Variants in CPSF3 observed in about 807,000 individuals in gnomAD.
CPSF3 encodes cleavage and polyadenylation specific factor 3.
A neutral mutation model predicts 84.1 loss-of-function variants in CPSF3; 57 were observed. The observed-to-expected ratio is 0.68, with a 90% CI of 0.55 to 0.85. CPSF3 has a LOEUF of 0.85. Ranked by LOEUF, CPSF3 falls within the 40% of genes least tolerant of loss-of-function variation. CPSF3 has a pLI of 0.00. For missense variants in CPSF3, 522 were observed against 838.8 expected (o/e 0.62, Z 4.66); for synonymous variants, 275 against 278.1 (o/e 0.99, Z 0.11).
chr2:9,424,557 G>A (rs893526973), intron 1 of CPSF3: 1 of 152,228 alleles, frequency 6.6e-6, no homozygotes, highest in Admixed American at 6.5e-5. Flanking sequence ...GATACTAGTT[G>A]GCACAACATG....
chr2:9,430,770 T>C lies in CPSF3; in HGVS notation c.231T>C (p.Cys77=). 1.2e-6 allele frequency: 2 copies of C among 1,613,422 alleles called. No individual in the cohort carries two copies. Among genetic ancestry groups the C allele is most frequent in the South Asian group, 1.1e-5 (1 of 90,978 alleles). Residue 77 remains cysteine, a synonymous_variant, in exon 4 of 18, where the codon TGT becomes TGC. Coordinates refer to ENST00000238112, the MANE Select transcript of CPSF3 (RefSeq NM_016207.4). ...LLISHFHLDH[C]GALPWFLQKT... Reference sequence around the variant, plus strand: ...TTTTAAGTTTCCATTTGGATCACTGTGGAGCTCTGCCCTGGTTTCTACAGA... The same window carrying C: ...TTTTAAGTTTCCATTTGGATCACTGCGGAGCTCTGCCCTGGTTTCTACAGA...
At position 9,473,006 on chromosome 2, in the gene CPSF3, C is replaced by G; in HGVS notation, c.2044C>G (p.Pro682Ala). 6.2e-7 allele frequency: 1 copy of G among 1,612,418 alleles called. No individual in the cohort carries two copies. The highest frequency in any genetic ancestry group is 8.5e-7 in the Non-Finnish European group (1 of 1,178,786). Residue 682 changes from proline (P) to alanine (A), a missense_variant, in exon 18 of 18, where the codon CCA (proline) becomes GCA (alanine). By Grantham distance (27) the Pro-to-Ala change is conservative. Around this residue, in one of 2 missense-constraint regions of CPSF3, gnomAD observed 193 missense variants for 231.6 expected, o/e 0.83. Transcript: ENST00000238112. ...ACAGAGACTGTACGAGGCCCTGACG[C>G]CAGTTCACTGAGACTGTGCCTGTAT... ...AAQRLYEALTPVH is the reference protein window; with the variant it reads ...AAQRLYEALTAVH
Position 9,452,501 on chromosome 2 carries a change from AC to A in CPSF3, c.1396-410del, listed in dbSNP as rs1681368293. 2.6e-5 allele frequency among the ~76,000 whole-genome samples: 4 copies of A among 152,274 alleles called. No homozygotes were observed. In the South Asian group the frequency reaches 8.3e-4, roughly 32 times the overall value. Reference sequence around the variant, plus strand: ...TGCTGCTGCTTTTAGTGTTAGGTGTACCACAGCCTCCCAGGTTTGTATCAGT... The same window carrying A: ...TGCTGCTGCTTTTAGTGTTAGGTGTACACAGCCTCCCAGGTTTGTATCAGT... On this transcript the variant is annotated intron_variant, in intron 11 of 17. Transcript: ENST00000238112.
In CPSF3 at chr2:9,449,333, T is replaced by C. The variant is rs949842714; in HGVS notation, c.1395+983T>C. Among the ~76,000 whole-genome samples the C allele has an allele frequency of 2.0e-5, 3 of 152,118 alleles. No homozygotes were observed. In the East Asian group the frequency reaches 5.8e-4, roughly 29 times the overall value. On this transcript the variant is annotated intron_variant, in intron 11 of 17. Transcript: ENST00000238112. ...TGAACCCAGGAGGTGGAGGTTGTAG[T>C]GAGCTGAGATCGAACCTGAGAGATG...
At chr2:9,428,019 C>T (rs2148933244) in intron 1 of CPSF3, among the ~76,000 whole-genome samples, 2 of 144,958 alleles carry the variant, frequency 1.4e-5, no homozygotes, top group Middle Eastern at 3.9e-3. Context: ...TTTTTTGAGG[C>T]AGAGTCTCGC....
chr2:9,460,515 T>C lies in CPSF3; in HGVS notation c.1786+897T>C, dbSNP rs150361575. Among the ~76,000 whole-genome samples the C allele has an allele frequency of 2.6e-5, 4 of 152,290 alleles. No individual in the cohort carries two copies. In the East Asian group the frequency reaches 7.7e-4, roughly 29 times the overall value. On this transcript the variant is annotated intron_variant, in intron 15 of 17. Coordinates refer to ENST00000238112, the MANE Select transcript of CPSF3 (RefSeq NM_016207.4). ...ATTGAGCCAGTAGATTAGGAAGATATGCTACTATCTTCATGTTTAATAAAA... is the reference window on the plus strand; with the variant it reads ...ATTGAGCCAGTAGATTAGGAAGATACGCTACTATCTTCATGTTTAATAAAA...
chr2:9,467,950 C>T (rs912379930), intron 16 of CPSF3, 174 bp downstream of exon 16: 4 of 560,930 alleles, frequency 7.1e-6, no homozygotes, highest in African/African-American at 5.7e-5. Context: ...TCCCTGCCAG[C>T]TCTGCACTCA....
intron 4 of CPSF3, among the ~76,000 whole-genome samples, chr2:9,432,301 G>C (rs997775612): frequency 1.3e-5 from 2 of 151,536 alleles, no homozygotes; most frequent in Admixed American, 1.3e-4. Context: ...TTTCCTGTGT[G>C]GTTTGTTTAA....
At chr2:9,443,378 G>C in intron 9 of CPSF3, 137 bp from the exon 10 acceptor site, 2 of 739,740 alleles carry the variant, frequency 2.7e-6, no homozygotes, top group Non-Finnish European at 4.3e-6. Flanking sequence ...TATTTACTGA[G>C]TCAGTTATAT....
chr2:9,462,919 T>G (rs1366871051), intron 15 of CPSF3, among the ~76,000 whole-genome samples: 1 of 152,220 alleles, frequency 6.6e-6, no homozygotes, highest in Non-Finnish European at 1.5e-5. Flanking sequence ...TTCTTAGTTC[T>G]TCCCCATTTT....
intron 15 of CPSF3, among the ~76,000 whole-genome samples, chr2:9,459,974 T>C (rs1295825253): frequency 1.3e-5 from 2 of 152,082 alleles, no homozygotes; most frequent in African/African-American, 4.8e-5. Context: ...TCTTTCATTT[T>C]TCTTATGTTT....
intron 4 of CPSF3, 26 bp from the exon 5 acceptor site, chr2:9,432,485 T>C (rs774167805): frequency 7.0e-7 from 1 of 1,420,888 alleles, no homozygotes; most frequent in Non-Finnish European, 9.4e-7. Flanking sequence ...TCTTAATTGT[T>C]TTTGCTGGCA....
In CPSF3 at chr2:9,457,073, A is replaced by T. The variant is rs562836835; in HGVS notation, c.1698+46A>T. On this transcript the variant is annotated intron_variant, in intron 14 of 17. Coordinates refer to ENST00000238112, the MANE Select transcript of CPSF3 (RefSeq NM_016207.4). ...TAAACAATGAGGGGAAAAAAGTTTT[A>T]AAAAGAGTTCATGAACAATTGTAGA... is the stretch of plus-strand genomic sequence containing the variant. The T allele has an allele frequency of 1.2e-5, 14 of 1,125,382 alleles. No individual in the cohort carries two copies. In the East Asian group the frequency reaches 3.3e-4, roughly 27 times the overall value. 69.7% of individuals were successfully genotyped at this position (1,125,382 alleles called of 1,614,324 possible).
chr2:9,465,323 A>T (rs1418785796), intron 15 of CPSF3, among the ~76,000 whole-genome samples: 1 of 152,182 alleles, frequency 6.6e-6, no homozygotes, highest in East Asian at 1.9e-4. Context: ...ACACACGTAC[A>T]GGCCTAGCTA....
intron 13 of CPSF3, 75 bp downstream of exon 13, chr2:9,455,832 GTTAC>G: frequency 9.5e-7 from 1 of 1,050,554 alleles, no homozygotes; most frequent in South Asian, 1.5e-5. Flanking sequence ...AGAAAAGAAT[GTTAC>G]TTAATTTTGA....
In CPSF3 at chr2:9,432,522, C is replaced by T; in HGVS notation, c.353C>T (p.Ala118Val). The T allele has an allele frequency of 1.3e-6, 2 of 1,509,558 alleles. No homozygotes were observed. The highest frequency in any genetic ancestry group is 9.0e-7 in the Non-Finnish European group (1 of 1,110,200). The allele number at this position is 1,509,558 out of a possible 1,614,324, so 93.5% of individuals were successfully genotyped here. ...CTTTCAAAATTTAGTAACATATCAG[C>T]AGACGACATGCTGTATACCGAGACA... ...SDYVKVSNISADDMLYTETDL... is the reference protein window; with the variant it reads ...SDYVKVSNISVDDMLYTETDL... Residue 118 changes from alanine to valine, a missense_variant, in exon 5 of 18, where the codon GCA (alanine) becomes GTA (valine). Coordinates refer to ENST00000238112, the MANE Select transcript of CPSF3 (RefSeq NM_016207.4).
Position 9,459,572 on chromosome 2 carries a change from A to G in CPSF3, c.1740A>G (p.Val580=), listed in dbSNP as rs190697699. 1 of 1,610,700 alleles carries G rather than the reference A, an allele frequency of 6.2e-7. No homozygotes were observed. The highest frequency in any genetic ancestry group is 2.2e-5 in the East Asian group (1 of 44,826). The change falls in exon 15 of 18, where the codon GTA becomes GTG. Residue 580 remains valine, a synonymous_variant. Transcript: ENST00000238112. ...CTAATGATATGTATGCAGATACAGT[A>G]ACAACTGTGATATTGGAAGTTCAGT... The part of the protein sequence containing the change: ...NPSNDMYADT[V]TTVILEVQSN...
At chr2:9,431,047 GCA>G (rs1233781197) in intron 4 of CPSF3, among the ~76,000 whole-genome samples, 167 bp downstream of exon 4, 1 of 152,154 alleles carries the variant, frequency 6.6e-6, no homozygotes, top group Non-Finnish European at 1.5e-5. Flanking sequence ...TGTGTTTCTA[GCA>G]CCTTCCTGAC....
chr2:9,436,133 A>T lies in CPSF3; in HGVS notation c.610-78A>T, dbSNP rs569543752. The T allele has an allele frequency of 1.2e-5, 15 of 1,227,106 alleles. No homozygotes were observed. The African/African-American group carries it at 1.5e-4, about 12-fold the overall frequency. The allele number at this position is 1,227,106 out of a possible 1,614,324, so 76.0% of individuals were successfully genotyped here. A position where few individuals can be genotyped will look rare whatever the true frequency, so the allele number is the denominator to read the frequency against. On this transcript the variant is annotated intron_variant, in intron 6 of 17. Transcript: ENST00000238112. ...GGAGAAGTGAATTGCTTAGCCCCTC[A>T]GTATTTCATTGATGTTTAACTTTTG...
Sources: allele counts gnomAD v4.1 joint callset (sites outside exome capture counted in the v4.1 genomes callset), GRCh38; gene constraint gnomAD v4.1.1; regional missense constraint gnomAD v4.1.1; transcripts MANE v1.5; gene names NCBI Gene and HGNC (gene_info 2026-07-23, HGNC 2026-07-21).